Variants in ADK observed in about 807,000 individuals in gnomAD.
The protein encoded by ADK is N6,N6-dimethyladenosine kinase.
In ADK, 24 loss-of-function variants were observed where a neutral mutation model predicts 44.7. The ratio of observed to expected loss-of-function variants is 0.54; its 90% CI spans 0.39 to 0.76. The LOEUF (loss-of-function observed/expected upper bound fraction) is 0.76. ADK is among the 30% of genes least tolerant of loss of function. The pLI, the probability that ADK is intolerant of heterozygous loss-of-function variation, is 0.00. For synonymous variants in ADK, 128 were observed against 142.6 expected (o/e 0.90, Z 0.73); for missense variants, 321 against 425.1 (o/e 0.76, Z 2.15).
chr10:74,252,398 A>G (rs1591935460), intron 3 of ADK, among the ~76,000 whole-genome samples: 1 of 152,272 alleles, frequency 6.6e-6, no homozygotes, highest in South Asian at 2.1e-4. Context: ...TTTAAACGAT[A>G]CTTATCACTG....
chr10:74,385,165 A>G (rs1843101597), intron 4 of ADK, among the ~76,000 whole-genome samples: 1 of 152,238 alleles, frequency 6.6e-6, no homozygotes, highest in Non-Finnish European at 1.5e-5. Flanking sequence ...GGCAAATTGT[A>G]TGGTTATATG....
chr10:74,623,131 C>T (rs117891625), intron 9 of ADK, among the ~76,000 whole-genome samples: 755 of 152,238 alleles, frequency 5.0e-3, no homozygotes, highest in Non-Finnish European at 8.2e-3. Flanking sequence ...AACAACTTTC[C>T]CCCTTCCTTT....
chr10:74,627,288 A>C (rs1853242427), intron 9 of ADK, among the ~76,000 whole-genome samples: 1 of 152,116 alleles, frequency 6.6e-6, no homozygotes, highest in African/African-American at 2.4e-5. Flanking sequence ...CCAGCCTGAG[A>C]AACATAGCGA....
chr10:74,635,890 C>T (rs1853606758), intron 9 of ADK, among the ~76,000 whole-genome samples: 2 of 151,182 alleles, frequency 1.3e-5, no homozygotes, highest in South Asian at 4.2e-4. Flanking sequence ...TGGAGACCAA[C>T]CTGGGCAACA....
chr10:74,156,427 T>G (rs554593318), intron 1 of ADK, among the ~76,000 whole-genome samples: 2 of 152,308 alleles, frequency 1.3e-5, no homozygotes, highest in African/African-American at 4.8e-5. Context: ...TAGACTGGCC[T>G]GGGCAACATA....
intron 4 of ADK, among the ~76,000 whole-genome samples, chr10:74,383,495 C>T (rs1843044892): frequency 6.6e-6 from 1 of 152,166 alleles, no homozygotes; most frequent in African/African-American, 2.4e-5. Flanking sequence ...CATATATCCC[C>T]TAATTCCTAT....
intron 9 of ADK, among the ~76,000 whole-genome samples, chr10:74,620,284 C>T (rs1398493815): frequency 6.6e-6 from 1 of 152,144 alleles, no homozygotes; most frequent in Non-Finnish European, 1.5e-5. Context: ...TTACCCTTCC[C>T]AGCCTCTAAT....
At chr10:74,347,880 G>A (rs1841831350) in intron 4 of ADK, among the ~76,000 whole-genome samples, 4 of 152,166 alleles carry the variant, frequency 2.6e-5, no homozygotes, top group Admixed American at 2.6e-4. Flanking sequence ...CTCCTCACTG[G>A]ACAGGGTATT....
chr10:74,520,593 TA>T (rs10710238), intron 6 of ADK, among the ~76,000 whole-genome samples: 93,376 of 149,226 alleles, frequency 0.63, 30,235 homozygotes, highest in Middle Eastern at 0.79. Flanking sequence ...TAAACACTGG[TA>T]AAAAAAAAAA....
rs566455461 is a variant in ADK at position 74,328,145 on chromosome 10, G to C, written c.273+13400G>C. Among the ~76,000 whole-genome samples the C allele has an allele frequency of 7.9e-5, 12 of 152,272 alleles. No homozygotes were observed. In the South Asian group the frequency reaches 2.5e-3, roughly 32 times the overall value. On this transcript the variant is annotated intron_variant, in intron 4 of 10. Transcript: ENST00000539909. ...GCTGGTCTTGAACTCCTGACCTCAA[G>C]TGATCTGCCTGCCTCGGCCTCCCGA... is the stretch of plus-strand genomic sequence containing the variant.
chr10:74,176,050 A>T (rs1329072460), intron 1 of ADK, among the ~76,000 whole-genome samples: 1 of 152,038 alleles, frequency 6.6e-6, no homozygotes, highest in Admixed American at 6.6e-5. Flanking sequence ...GATAGCCTTG[A>T]GTGGGGCCCA....
chr10:74,152,637 T>G (rs180843068), intron 1 of ADK, among the ~76,000 whole-genome samples: 7 of 152,322 alleles, frequency 4.6e-5, no homozygotes, highest in African/African-American at 1.7e-4. Flanking sequence ...TTATTATATA[T>G]AATGCTGATC....
intron 6 of ADK, among the ~76,000 whole-genome samples, chr10:74,416,992 A>T (rs1488747135): frequency 1.3e-5 from 2 of 152,054 alleles, no homozygotes; most frequent in African/African-American, 4.8e-5. Context: ...ACTACAATAA[A>T]CTAAATTAAA....
chr10:74,680,538 T>G (rs1026091320), intron 10 of ADK, among the ~76,000 whole-genome samples: 1 of 151,300 alleles, frequency 6.6e-6, no homozygotes, highest in Admixed American at 6.6e-5. Flanking sequence ...TTTTTTTTTT[T>G]ACAATGTGCC....
At chr10:74,359,473 TGAA>T (rs1842254240) in intron 4 of ADK, among the ~76,000 whole-genome samples, 1 of 152,130 alleles carries the variant, frequency 6.6e-6, no homozygotes, top group African/African-American at 2.4e-5. Flanking sequence ...TTTGGGAGGC[TGAA>T]GTGGGAGGAT....
intron 2 of ADK, among the ~76,000 whole-genome samples, chr10:74,213,055 A>G (rs971181735): frequency 4.7e-4 from 71 of 152,280 alleles, no homozygotes; most frequent in African/African-American, 1.6e-3. Flanking sequence ...CCAGGCAGGC[A>G]TATTCAGGAG....
intron 6 of ADK, among the ~76,000 whole-genome samples, chr10:74,516,440 T>G (rs117239115): frequency 0.013 from 1,975 of 152,266 alleles, 72 homozygotes; most frequent in Admixed American, 0.064. Context: ...GATCCTTTTT[T>G]TGTGTGTGGG....
chr10:74,262,090 G>A (rs911747096), intron 3 of ADK, among the ~76,000 whole-genome samples: 1 of 152,092 alleles, frequency 6.6e-6, no homozygotes, highest in South Asian at 2.1e-4. Flanking sequence ...AGGCCGAGGT[G>A]TGTGGATCAC....
chr10:74,157,800 G>A (rs1276266858), intron 1 of ADK, among the ~76,000 whole-genome samples: 1 of 152,154 alleles, frequency 6.6e-6, no homozygotes, highest in Non-Finnish European at 1.5e-5. Flanking sequence ...GCTGAGGCAG[G>A]AGAATCTCTT....
Sources: gnomAD v4.1 joint callset for allele counts (sites outside exome capture counted in the v4.1 genomes callset) on GRCh38, gnomAD v4.1.1 for gene constraint, MANE v1.5 for transcripts, NCBI Gene and HGNC (gene_info 2026-07-23, HGNC 2026-07-21) for gene names.